The following SCN1A variants were observed in gnomAD, a reference collection of about 807,000 sequenced individuals.
SCN1A encodes sodium channel protein type 1 subunit alpha.
Under a neutral mutation model 193.7 loss-of-function variants are expected in SCN1A, and 13 were observed. The ratio of observed to expected loss-of-function variants is 0.07; its 90% CI spans 0.04 to 0.11. SCN1A has a LOEUF of 0.11. SCN1A is among the 10% of genes least tolerant of loss of function. The pLI is 1.00. For synonymous variants in SCN1A, 781 were observed against 843.6 expected, an observed-to-expected ratio of 0.93 and a Z score of 1.29; for missense variants, 1,432 against 2,451.1, an observed-to-expected ratio of 0.58 and a Z score of 8.78.
chr2:166,117,921 C>A (rs1462499223), intron 2 of SCN1A, among the ~76,000 whole-genome samples: 1 of 151,728 alleles, frequency 6.6e-6, no homozygotes, highest in African/African-American at 2.4e-5. Flanking sequence ...CGAGATCCTG[C>A]CATTGCACTC....
chr2:166,066,896 AG>A (rs1683898833), intron 4 of SCN1A, among the ~76,000 whole-genome samples: 1 of 152,136 alleles, frequency 6.6e-6, no homozygotes, highest in Non-Finnish European at 1.5e-5. Context: ...AAACTCTTTA[AG>A]ATGTACTGAA....
At chr2:166,029,654 G>A (rs1362811764) in intron 19 of SCN1A, among the ~76,000 whole-genome samples, 2 of 152,156 alleles carry the variant, frequency 1.3e-5, no homozygotes, top group Non-Finnish European at 2.9e-5. Context: ...TGGAAATCTA[G>A]AAGTAACTGC....
Position 166,012,282 on chromosome 2 carries a change from C to A in SCN1A, c.3706G>T (p.Ala1236Ser). ...FMILLSSGAL[A>S]FEDIYIDQRK... ...TGATCAATATATATATCTTCAAATG[C>A]CTATAAAGAAAATGTTACACATTAT... Residue 1236 changes from alanine to serine, a missense_variant and splice_region_variant, in exon 22 of 29, where the codon GCA becomes TCA. Ala to Ser is a moderately conservative substitution (Grantham distance 99). This residue lies in a region of SCN1A where 107 missense variants were observed against 259.4 expected (regional missense o/e 0.41). Transcript: ENST00000674923. 2 of 1,603,516 alleles carry A rather than the reference C, an allele frequency of 1.2e-6. No homozygotes were observed. The highest frequency in any genetic ancestry group is 2.2e-5 in the South Asian group (2 of 90,608).
At chr2:166,042,158 G>T in intron 15 of SCN1A, 134 bp downstream of exon 15, 1 of 839,582 alleles carries the variant, frequency 1.2e-6, no homozygotes, top group Non-Finnish European at 1.9e-6. Context: ...GTAGATATAA[G>T]AAATAACAGC....
At chr2:166,146,852 G>C (rs940703241) in intron 1 of SCN1A, among the ~76,000 whole-genome samples, 1 of 152,130 alleles carries the variant, frequency 6.6e-6, no homozygotes, top group Non-Finnish European at 1.5e-5. Context: ...TAGACTTAAG[G>C]TATACTCAAT....
chr2:166,136,802 C>A (rs913059386), intron 1 of SCN1A, among the ~76,000 whole-genome samples: 3 of 152,310 alleles, frequency 2.0e-5, no homozygotes, highest in Admixed American at 6.5e-5. Context: ...CCGGTGAGAG[C>A]TAGAGCTTTA....
In SCN1A at chr2:166,046,718, C is replaced by T. The variant is rs6432861; in HGVS notation, c.1377+52G>A. ...GGTACTCACTTTCTCTTCAATATTA[C>T]GTAACAATCAGAACGATAAAAGGTC... On this transcript the variant is annotated intron_variant, in intron 12 of 28. Coordinates refer to ENST00000674923, the MANE Select transcript of SCN1A (RefSeq NM_001165963.4). The T allele has an allele frequency of 0.53, 832,850 of 1,565,320 alleles. 223,891 individuals are homozygous for T. The highest frequency in any genetic ancestry group is 0.56 in the East Asian group (24,734 of 44,534).
rs1342891912 is a variant in SCN1A at position 166,012,983 on chromosome 2, G to A, written c.3706-701C>T. ...AAATTACAGGTAAATATATGTCTGT[G>A]TTAGAATTATAAAAAGTTAAACTTG... On this transcript the variant is annotated intron_variant, in intron 21 of 28. Coordinates refer to ENST00000674923, the MANE Select transcript of SCN1A (RefSeq NM_001165963.4). 4.0e-5 allele frequency among the ~76,000 whole-genome samples: 6 copies of A among 151,158 alleles called. No homozygotes were observed. In the East Asian group the frequency reaches 1.2e-3, roughly 29 times the overall value.
chr2:166,147,986 T>A (rs1022140095), intron 1 of SCN1A, among the ~76,000 whole-genome samples: 5 of 152,232 alleles, frequency 3.3e-5, no homozygotes, highest in Non-Finnish European at 7.3e-5. Context: ...CAGTCATCAC[T>A]GAGAGACACC....
rs185105607 is a variant in SCN1A at position 166,089,939 on chromosome 2, G to A, written c.-141-12138C>T. ...TGAGTAGTGCATCTTTGCACATTAA[G>A]GACTCCTCCTTTATTTTATCACTTC... On this transcript the variant is annotated intron_variant, in intron 2 of 28. Coordinates refer to ENST00000674923, the MANE Select transcript of SCN1A (RefSeq NM_001165963.4). Among the ~76,000 whole-genome samples, 554 of 150,910 alleles carry A rather than the reference G, an allele frequency of 3.7e-3. 6 individuals are homozygous for A. The highest frequency in any genetic ancestry group is 0.013 in the African/African-American group (519 of 40,880).
At chr2:166,031,008 T>C (rs1199798517) in intron 19 of SCN1A, among the ~76,000 whole-genome samples, 1 of 152,130 alleles carries the variant, frequency 6.6e-6, no homozygotes, top group Non-Finnish European at 1.5e-5. Flanking sequence ...AATTCATGTT[T>C]CTAGCTTATC....
At chr2:166,141,223 A>G (rs1437538657) in intron 1 of SCN1A, among the ~76,000 whole-genome samples, 2 of 152,078 alleles carry the variant, frequency 1.3e-5, no homozygotes, top group African/African-American at 4.8e-5. Flanking sequence ...TCTAATGTCA[A>G]TTGACTTGAG....
upstream of SCN1A, among the ~76,000 whole-genome samples, chr2:166,131,982 C>T (rs1691678347): frequency 6.6e-6 from 1 of 152,090 alleles, no homozygotes; most frequent in South Asian, 2.1e-4. Context: ...CTAAATTCCC[C>T]TGTCATTTGT....
intron 2 of SCN1A, among the ~76,000 whole-genome samples, chr2:166,121,658 A>T (rs1394323083): frequency 1.3e-5 from 2 of 152,234 alleles, no homozygotes; most frequent in Non-Finnish European, 2.9e-5. Context: ...GAGGGTATGA[A>T]TAATGAAAAT....
At chr2:166,016,929 G>A (rs1161564617) in intron 19 of SCN1A, among the ~76,000 whole-genome samples, 1 of 151,090 alleles carries the variant, frequency 6.6e-6, no homozygotes, top group East Asian at 1.9e-4. Context: ...ATACATAGGA[G>A]AGTGTTGATA....
At chr2:166,017,234 AT>A (rs1173122115) in intron 19 of SCN1A, among the ~76,000 whole-genome samples, 1 of 151,900 alleles carries the variant, frequency 6.6e-6, no homozygotes, top group Non-Finnish European at 1.5e-5. Flanking sequence ...TGAAAAGTTG[AT>A]TGTTCAACAT....
intron 1 of SCN1A, among the ~76,000 whole-genome samples, chr2:166,136,650 T>C (rs568183536): frequency 1.3e-5 from 2 of 152,234 alleles, no homozygotes; most frequent in East Asian, 3.9e-4. Context: ...AGAAAGTAGA[T>C]GGTACATTCA....
At chr2:166,090,189 T>C (rs189069383) in intron 2 of SCN1A, among the ~76,000 whole-genome samples, 4 of 151,956 alleles carry the variant, frequency 2.6e-5, no homozygotes, top group Admixed American at 2.6e-4. Context: ...CATACCAGCA[T>C]GCCCAGCTGA....
intron 19 of SCN1A, among the ~76,000 whole-genome samples, chr2:166,030,150 T>G (rs1695358954): frequency 6.6e-6 from 1 of 152,174 alleles, no homozygotes. Context: ...CAGACACTAT[T>G]AAGATTTAGT....
Sources: gnomAD v4.1 joint callset for allele counts (sites outside exome capture counted in the v4.1 genomes callset) on GRCh38, gnomAD v4.1.1 for gene constraint, gnomAD v4.1.1 regional missense constraint, MANE v1.5 for transcripts, NCBI Gene and HGNC (gene_info 2026-07-23, HGNC 2026-07-21) for gene names.